Variants in AGXT2 observed in about 807,000 individuals in gnomAD.
AGXT2 encodes alanine--glyoxylate aminotransferase 2, also known as alanine--glyoxylate aminotransferase 2, mitochondrial.
A neutral mutation model predicts 62.5 loss-of-function variants in AGXT2; 61 were observed. The observed-to-expected ratio is 0.98, with a 90% confidence interval of 0.79 to 1.21. The LOEUF is 1.21. AGXT2 is among the 50% of genes most tolerant of loss of function. AGXT2 has a pLI of 0.00. For missense variants in AGXT2, 666 were observed against 641.5 expected, an observed-to-expected ratio of 1.04 and a Z score of -0.41; for synonymous variants, 243 against 218.7, an observed-to-expected ratio of 1.11 and a Z score of -0.98.
intron 1 of AGXT2, among the ~76,000 whole-genome samples, chr5:35,045,613 AGT>A (rs1345201738): frequency 1.3e-5 from 2 of 152,106 alleles, no homozygotes; most frequent in African/African-American, 4.8e-5. Flanking sequence ...TATGTTAGTG[AGT>A]GTGTGTTTGG....
At chr5:35,012,869 C>G in intron 11 of AGXT2, 85 bp downstream of exon 11, 12 of 1,194,198 alleles carry the variant, frequency 1.0e-5, no homozygotes, top group Non-Finnish European at 1.5e-5. Flanking sequence ...AACAACTCAG[C>G]ATGATAGAGT....
intron 1 of AGXT2, among the ~76,000 whole-genome samples, chr5:35,042,048 G>A (rs1002533609): frequency 4.0e-4 from 61 of 152,238 alleles, no homozygotes; most frequent in African/African-American, 1.4e-3. Context: ...AAAATTCTGA[G>A]TGTCTCTAAG....
chr5:35,007,953 T>TTCTC (rs147431828), intron 12 of AGXT2, among the ~76,000 whole-genome samples: 3 of 150,536 alleles, frequency 2.0e-5, no homozygotes, highest in East Asian at 2.0e-4. Flanking sequence ...ATCTCTTGCT[T>TTCTC]TCTCTCTCTC....
At chr5:35,027,287 G>C (rs1207842489) in intron 7 of AGXT2, among the ~76,000 whole-genome samples, 1 of 152,078 alleles carries the variant, frequency 6.6e-6, no homozygotes, top group East Asian at 1.9e-4. Flanking sequence ...TTGCTTGAAG[G>C]CCTTTCTTTC....
At chr5:35,012,911 C>T in intron 11 of AGXT2, 43 bp downstream of exon 11, 1 of 1,519,738 alleles carries the variant, frequency 6.6e-7, no homozygotes, top group South Asian at 1.2e-5. Flanking sequence ...TTGAAAGAGT[C>T]ATTTGTGAAA....
chr5:35,027,032 G>C (rs1401245410), intron 7 of AGXT2: 2 of 985,232 alleles, frequency 2.0e-6, no homozygotes, highest in African/African-American at 3.5e-5. Flanking sequence ...ATGTTCGAGA[G>C]CTAGGTGGCT....
At position 35,047,797 on chromosome 5, in the gene AGXT2, C is replaced by T. The variant is rs903415404; in HGVS notation, c.88+8G>A. 2 of 1,613,804 alleles carry T rather than the reference C, an allele frequency of 1.2e-6. No homozygotes were observed. The highest frequency in any genetic ancestry group is 1.7e-5 in the Admixed American group (1 of 59,998). On this transcript the variant is annotated splice_region_variant and intron_variant, in intron 1 of 13. Transcript: ENST00000231420. ...CTACTGACCCACGTCCCCCTGGTTT[C>T]CACTTACGGCTCAGGAAAGGATGCA...
intron 9 of AGXT2, among the ~76,000 whole-genome samples, chr5:35,014,812 A>G (rs1025443789): frequency 6.6e-6 from 1 of 152,302 alleles, no homozygotes. Flanking sequence ...AGAAAAGTAG[A>G]GAAGCTGAGT....
At chr5:35,013,134 G>A (rs1441153413) in intron 10 of AGXT2, 89 bp from the exon 11 acceptor site, 1 of 1,129,268 alleles carries the variant, frequency 8.9e-7, no homozygotes, top group African/African-American at 1.5e-5. Flanking sequence ...GTTACTTCGT[G>A]TTGTAAATGG....
rs1767329383 is a variant in AGXT2, at chr5:35,025,998, G to A, written c.871-143C>T. On this transcript the variant is annotated intron_variant, in intron 8 of 13. Transcript: ENST00000231420. The stretch of plus-strand genomic sequence containing the variant: ...AACAGTCTGTAGAACAGTTTCCACT[G>A]TGGGTGAAAAGAGGACTTATTACTC... The A allele has an allele frequency of 1.3e-5, 10 of 749,090 alleles. No individual in the cohort carries two copies. In the South Asian group the frequency reaches 1.5e-4, roughly 11 times the overall value. 46.4% of individuals were successfully genotyped at this position (749,090 alleles called of 1,614,324 possible).
chr5:35,047,086 C>A (rs1022916187), intron 1 of AGXT2, among the ~76,000 whole-genome samples: 2 of 152,154 alleles, frequency 1.3e-5, no homozygotes, highest in Non-Finnish European at 2.9e-5. Flanking sequence ...CAATTGAGAG[C>A]GTGGTCTCAC....
At chr5:35,020,689 C>T (rs1767036524) in intron 9 of AGXT2, among the ~76,000 whole-genome samples, 2 of 152,200 alleles carry the variant, frequency 1.3e-5, no homozygotes, top group South Asian at 4.1e-4. Context: ...TCGCTCACCA[C>T]TCCTATTCAA....
In AGXT2 at chr5:34,998,825, G is replaced by A; in HGVS notation, c.1439C>T (p.Thr480Ile). 2 of 1,607,642 alleles carry A rather than the reference G, an allele frequency of 1.2e-6. No individual in the cohort carries two copies. The highest frequency in any genetic ancestry group is 1.3e-5 in the African/African-American group (1 of 74,938). Residue 480 changes from threonine to isoleucine, a missense_variant and splice_region_variant, in exon 14 of 14, where the codon ACA becomes ATA. Transcript: ENST00000231420. Reference protein sequence around the residue: ...LVGRGSIFSQTFRIAPSMCIT... With the variant: ...LVGRGSIFSQIFRIAPSMCIT... Reference sequence around the variant, plus strand: ...GCACATTGAGGGCGCAATGCGAAATGTCTGAGGAGACACCAAAAAATAAGA... The same window carrying A: ...GCACATTGAGGGCGCAATGCGAAATATCTGAGGAGACACCAAAAAATAAGA...
intron 3 of AGXT2, among the ~76,000 whole-genome samples, chr5:35,037,682 G>C (rs554450074): frequency 6.6e-6 from 1 of 152,354 alleles, no homozygotes; most frequent in East Asian, 1.9e-4. Context: ...CTCCTGAGTA[G>C]CTGGGACTAT....
At chr5:35,005,336 C>T (rs191691349) in intron 12 of AGXT2, among the ~76,000 whole-genome samples, 8 of 152,286 alleles carry the variant, frequency 5.3e-5, no homozygotes, top group African/African-American at 9.6e-5. Context: ...TCAAGTGATT[C>T]GCCTGCCTCA....
intron 9 of AGXT2, among the ~76,000 whole-genome samples, chr5:35,017,848 C>G (rs992742128): frequency 6.6e-6 from 1 of 152,072 alleles, no homozygotes; most frequent in African/African-American, 2.4e-5. Context: ...GAATGTATAT[C>G]TAGAATAACC....
intron 13 of AGXT2, among the ~76,000 whole-genome samples, chr5:34,999,903 G>A (rs758650658): frequency 1.3e-5 from 2 of 152,026 alleles, no homozygotes; most frequent in African/African-American, 4.8e-5. Context: ...TCCAGGAAAC[G>A]CCCCTTCAAC....
intron 13 of AGXT2, among the ~76,000 whole-genome samples, chr5:35,001,915 C>T (rs545848965): frequency 2.7e-4 from 41 of 152,162 alleles, no homozygotes; most frequent in African/African-American, 8.7e-4. Flanking sequence ...ACCAGCTCCA[C>T]GAAGGAAGGA....
At chr5:35,014,238 G>A (rs957576115) in intron 9 of AGXT2, 119 bp from the exon 10 acceptor site, 15 of 1,378,546 alleles carry the variant, frequency 1.1e-5, no homozygotes, top group Non-Finnish European at 1.4e-5. Context: ...TGGATCATGA[G>A]GTCAGGAGTT....
Sources: allele counts gnomAD v4.1 joint callset (sites outside exome capture counted in the v4.1 genomes callset), GRCh38; gene constraint gnomAD v4.1.1; transcripts MANE v1.5; gene names NCBI Gene and HGNC (gene_info 2026-07-23, HGNC 2026-07-21).